Variants in TELO2 observed in about 807,000 individuals in gnomAD.
TELO2 encodes the protein telomere maintenance 2.
TELO2 carries 71 observed loss-of-function variants against 91.0 expected under a neutral mutation model. The observed-to-expected ratio is 0.78, with a 90% CI of 0.64 to 0.95. The LOEUF is 0.95. Ranked by LOEUF, TELO2 falls within the 40% of genes least tolerant of loss-of-function variation. The pLI is 0.00. For missense variants in TELO2, 1,183 were observed against 1,141.3 expected, an observed-to-expected ratio of 1.04 and a Z score of -0.53; for synonymous variants, 584 against 518.9, an observed-to-expected ratio of 1.13 and a Z score of -1.71.
Position 1,507,590 on chromosome 16 carries a change from C to T in TELO2, c.2292-11C>T. ...CCCTGCCGAGCTCAGCCCCCGCCTT[C>T]TTGCCGGCAGCTACGTGCGCCAGGG... On this transcript the variant is annotated splice_polypyrimidine_tract_variant and intron_variant, in intron 19 of 20. Transcript: ENST00000262319. 6.3e-7 allele frequency: 1 copy of T among 1,578,060 alleles called. No homozygotes were observed. Among genetic ancestry groups the T allele is most frequent in the Non-Finnish European group, 8.6e-7 (1 of 1,169,146 alleles).
chr16:1,508,857 C>T (rs1466236344), intron 20 of TELO2, among the ~76,000 whole-genome samples: 2 of 152,154 alleles, frequency 1.3e-5, no homozygotes, highest in Non-Finnish European at 2.9e-5. Flanking sequence ...TCAGGGTGGC[C>T]GTGAATGTCT....
Position 1,506,815 on chromosome 16 carries a change from G to T in TELO2, c.2127-137G>T, listed in dbSNP as rs527902365. The T allele has an allele frequency of 1.2e-5, 17 of 1,425,174 alleles. No individual in the cohort carries two copies. In the African/African-American group the frequency reaches 2.3e-4, roughly 19 times the overall value. The allele number at this position is 1,425,174 out of a possible 1,614,324, so 88.3% of individuals were successfully genotyped here. A position where few individuals can be genotyped will look rare whatever the true frequency, so the allele number is the denominator to read the frequency against. On this transcript the variant is annotated intron_variant, in intron 17 of 20. Transcript: ENST00000262319. ...GGCACCCGGAAATGTCTGCTCCTAC[G>T]ATCTCGGTGCAGGCAAGGCGGTGGG... is the stretch of plus-strand genomic sequence containing the variant.
intron 3 of TELO2, 105 bp from the exon 4 acceptor site, chr16:1,496,931 G>T: frequency 4.4e-6 from 5 of 1,126,596 alleles, no homozygotes; most frequent in Non-Finnish European, 3.9e-6. Flanking sequence ...AGTGAGTTTT[G>T]CTGTCGGTTG....
At position 1,497,189 on chromosome 16, in the gene TELO2, G is replaced by C; in HGVS notation, c.682+85G>C. On this transcript the variant is annotated intron_variant, in intron 4 of 20. Coordinates refer to ENST00000262319, the MANE Select transcript of TELO2 (RefSeq NM_016111.4). The surrounding 1 kb of genome is among the most constrained non-coding windows in gnomAD (Gnocchi z 4.0). ...CTGCAGAAGGCCGAGAATCCCTCCT[G>C]ACCCTGGCCCTCTGCAGGGTCCCCT... 1.3e-6 allele frequency: 2 copies of C among 1,570,748 alleles called. No individual in the cohort carries two copies. Among genetic ancestry groups the C allele is most frequent in the Non-Finnish European group, 1.7e-6 (2 of 1,151,960 alleles).
chr16:1,507,135 G>T (rs2039925986), intron 18 of TELO2, 84 bp downstream of exon 18: 2 of 1,506,446 alleles, frequency 1.3e-6, no homozygotes, highest in Admixed American at 4.0e-5. Flanking sequence ...GCCCAGGGAT[G>T]GGTGTCTGAG....
rs1435099017 is a variant in TELO2 at position 1,502,104 on chromosome 16, G to A, written c.1530G>A (p.Lys510=). ...MSGDRELKSS[K]APAYVRDCVE... ...GGGACAGAGAGCTGAAGAGCAGCAA[G>A]GCTCCTGCCTACGTCCGGGACTGCG... is the stretch of plus-strand genomic sequence containing the variant. The change falls in exon 12 of 21, where the codon AAG becomes AAA. Residue 510 remains lysine (K), a synonymous_variant. Coordinates refer to ENST00000262319, the MANE Select transcript of TELO2 (RefSeq NM_016111.4). 1.1e-5 allele frequency: 17 copies of A among 1,613,014 alleles called. No homozygotes were observed. The highest frequency in any genetic ancestry group is 1.4e-5 in the Non-Finnish European group (17 of 1,179,986).
At chr16:1,503,857 C>T (rs973234525) in intron 15 of TELO2, among the ~76,000 whole-genome samples, 3 of 152,204 alleles carry the variant, frequency 2.0e-5, no homozygotes, top group East Asian at 3.9e-4. Flanking sequence ...ACGGGCTGGG[C>T]GCGGCGGCTC....
intron 2 of TELO2, among the ~76,000 whole-genome samples, 186 bp from the exon 3 acceptor site, chr16:1,495,160 C>A (rs1223917860): frequency 2.6e-5 from 4 of 152,252 alleles, no homozygotes; most frequent in Non-Finnish European, 5.9e-5. Flanking sequence ...CGAGAGCTCT[C>A]ACACAGTAAT....
Position 1,497,221 on chromosome 16 carries a change from G to T in TELO2, c.682+117G>T. 6.6e-7 allele frequency: 1 copy of T among 1,509,948 alleles called. No individual in the cohort carries two copies. The highest frequency in any genetic ancestry group is 8.9e-7 in the Non-Finnish European group (1 of 1,119,722). 93.5% of individuals were successfully genotyped at this position (1,509,948 alleles called of 1,614,324 possible). On this transcript the variant is annotated intron_variant, in intron 4 of 20. Coordinates refer to ENST00000262319, the MANE Select transcript of TELO2 (RefSeq NM_016111.4). This position sits in a 1 kb window ranked among gnomAD's most constrained non-coding sequence, Gnocchi z 4.0. ...GCCCTCTGCAGGGTCCCCTTGCCCG[G>T]TCCTGTCCTGGGCCCGTGGGATCTG...
Position 1,503,005 on chromosome 16 carries a change from A to G in TELO2, c.1842+3A>G. The G allele has an allele frequency of 6.2e-7, 1 of 1,609,804 alleles. No individual in the cohort carries two copies. The highest frequency in any genetic ancestry group is 8.5e-7 in the Non-Finnish European group (1 of 1,179,954). On this transcript the variant is annotated splice_donor_region_variant and intron_variant, in intron 15 of 20. Transcript: ENST00000262319. The stretch of plus-strand genomic sequence containing the variant: ...GGCAGCGCATGGACATCCTGGATGT[A>G]AGTGCCTCCTGGGCCTCAGTCCCCC...
chr16:1,509,773 G>T, intron 20 of TELO2, 57 bp from the exon 21 acceptor site: 1 of 1,490,144 alleles, frequency 6.7e-7, no homozygotes, highest in Non-Finnish European at 9.1e-7. Flanking sequence ...AAGACAGGAG[G>T]AGGGAGAATA....
At position 1,506,322 on chromosome 16, in the gene TELO2, T is replaced by C; in HGVS notation, c.2119T>C (p.Phe707Leu). 6.2e-7 allele frequency: 1 copy of C among 1,614,004 alleles called. No individual in the cohort carries two copies. Among genetic ancestry groups the C allele is most frequent in the Non-Finnish European group, 8.5e-7 (1 of 1,179,974 alleles). The stretch of plus-strand genomic sequence containing the variant: ...CTTCTTCTTCCCCCTCCTTCAGCGC[T>C]TTGACAGGTGAGTGGGTTTTCCGTG... ...GHFFFPLLQR[F>L]DRPLVTFDLL... The change falls in exon 17 of 21, where the codon TTT becomes CTT. Residue 707 changes from phenylalanine (F) to leucine (L), a missense_variant. Phe to Leu is a conservative substitution (Grantham distance 22). Coordinates refer to ENST00000262319, the MANE Select transcript of TELO2 (RefSeq NM_016111.4).
Position 1,506,313 on chromosome 16 carries a change from C to T in TELO2, c.2110C>T (p.Leu704Phe), listed in dbSNP as rs746027415. ...SVAGHFFFPL[L>F]QRFDRPLVTF... ...GGCCGGCCACTTCTTCTTCCCCCTC[C>T]TTCAGCGCTTTGACAGGTGAGTGGG... The change falls in exon 17 of 21, where the codon CTT (leucine) becomes TTT (phenylalanine). Residue 704 changes from leucine to phenylalanine, a missense_variant. Transcript: ENST00000262319. 6.8e-6 allele frequency: 11 copies of T among 1,614,000 alleles called. No individual in the cohort carries two copies. The African/African-American group carries it at 1.5e-4, about 22-fold the overall frequency.
In TELO2 at chr16:1,510,101, C is replaced by A; in HGVS notation, c.*165C>A. On this transcript the variant is annotated 3_prime_UTR_variant, in exon 21 of 21. Transcript: ENST00000262319. ...GCCCGGCCTGCCGCTATTTATAGTG[C>A]AGCCAGTCCGCTAAAAATACACTGG... The A allele has an allele frequency of 1.6e-6, 1 of 625,294 alleles. No homozygotes were observed. Among genetic ancestry groups the A allele is most frequent in the Non-Finnish European group, 2.8e-6 (1 of 359,444 alleles). The allele number at this position is 625,294 out of a possible 1,614,324, so 38.7% of individuals were successfully genotyped here.
intron 16 of TELO2, 89 bp from the exon 17 acceptor site, chr16:1,506,149 C>T (rs1001396496): frequency 4.0e-5 from 57 of 1,442,912 alleles, no homozygotes; most frequent in Non-Finnish European, 5.1e-5. Flanking sequence ...CTGAGGTCCA[C>T]GCTGCTTTGT....
rs1180363881 is a variant in TELO2, at chr16:1,501,669, C to T, written c.1368C>T (p.Ser456=). Residue 456 remains serine, a synonymous_variant, in exon 11 of 21, where the codon TCC becomes TCT. Coordinates refer to ENST00000262319, the MANE Select transcript of TELO2 (RefSeq NM_016111.4). ...GTTCCTTGTTTCCTTAAAGCACGTC[C>T]CTCGTTCCAGCCACGGCAGAGCCCC... ...AGDGASEAGT[S]LVPATAEPPA... is the part of the protein sequence containing the mutation. 1 of 1,608,094 alleles carries T rather than the reference C, an allele frequency of 6.2e-7. No homozygotes were observed.
Position 1,506,982 on chromosome 16 carries a change from A to C in TELO2, c.2157A>C (p.Glu719Asp). ...TGGTGACCTTCGACCTCTTGGGAGAAGACCAGCTGGTTCTCGGAAGGCTGG... is the reference window on the plus strand; with the variant it reads ...TGGTGACCTTCGACCTCTTGGGAGACGACCAGCTGGTTCTCGGAAGGCTGG... ...RPLVTFDLLG[E>D]DQLVLGRLAH... is the part of the protein sequence containing the mutation. Residue 719 changes from glutamate (E) to aspartate (D), a missense_variant, in exon 18 of 21, where the codon GAA becomes GAC. Transcript: ENST00000262319. 1 of 1,612,170 alleles carries C rather than the reference A, an allele frequency of 6.2e-7. No individual in the cohort carries two copies. The highest frequency in any genetic ancestry group is 8.5e-7 in the Non-Finnish European group (1 of 1,179,272).
At chr16:1,506,721 G>T (rs2039906787) in intron 17 of TELO2, 6 of 1,392,670 alleles carry the variant, frequency 4.3e-6, no homozygotes, top group Non-Finnish European at 5.6e-6. Flanking sequence ...TGCAGCAGGG[G>T]TGGGGGTCTC....
At position 1,502,733 on chromosome 16, in the gene TELO2, T is replaced by C. The variant is rs780186204; in HGVS notation, c.1742T>C (p.Val581Ala). Residue 581 changes from valine (V) to alanine (A), a missense_variant, in exon 14 of 21, where the codon GTG (valine) becomes GCG (alanine). Transcript: ENST00000262319. ...GFAGLRQRALVAVTVTDPAPV... is the reference protein window; with the variant it reads ...GFAGLRQRALAAVTVTDPAPV... ...GCAGGGCTGCGCCAGAGAGCCCTGG[T>C]GGCCGTCACGGTCACAGACCCGGCC... The C allele has an allele frequency of 4.3e-6, 7 of 1,612,304 alleles. No individual in the cohort carries two copies. Among genetic ancestry groups the C allele is most frequent in the Non-Finnish European group, 5.9e-6 (7 of 1,179,848 alleles).
Sources: gnomAD v4.1 joint callset for allele counts (sites outside exome capture counted in the v4.1 genomes callset) on GRCh38, gnomAD v4.1.1 for gene constraint, Gnocchi (gnomAD v3.1) non-coding constraint, MANE v1.5 for transcripts, NCBI Gene and HGNC (gene_info 2026-07-23, HGNC 2026-07-21) for gene names.